The following PTK2B variants were observed in gnomAD, a reference collection of about 807,000 sequenced individuals.
PTK2B encodes protein-tyrosine kinase 2-beta.
A neutral mutation model predicts 142.9 loss-of-function variants in PTK2B; 71 were observed. That is an observed-to-expected ratio of 0.50 (90% CI 0.41 to 0.61). The LOEUF (loss-of-function observed/expected upper bound fraction) is 0.61. Among genes scored for constraint, PTK2B ranks in the 20% least tolerant of loss-of-function variants. PTK2B has a pLI of 0.00. For synonymous variants in PTK2B, 519 were observed against 503.4 expected (o/e 1.03, Z -0.42); for missense variants, 1,105 against 1,320.4 (o/e 0.84, Z 2.53).
Position 27,399,989 on chromosome 8 carries a change from G to A in PTK2B, c.204+2201G>A, listed in dbSNP as rs546585072. ...CCCATAACTGGAGGCTATTGACTGT[G>A]TGGGTATTAGGTTATTACCCAGCTC... is the stretch of plus-strand genomic sequence containing the variant. On this transcript the variant is annotated intron_variant, in intron 2 of 30. Coordinates refer to ENST00000346049, the MANE Select transcript of PTK2B (RefSeq NM_173176.3). Among the ~76,000 whole-genome samples the A allele has an allele frequency of 1.9e-3, 293 of 152,312 alleles. 1 individual carries two copies. The highest frequency in any genetic ancestry group is 3.4e-3 in the Middle Eastern group (1 of 294).
intron 1 of PTK2B, among the ~76,000 whole-genome samples, chr8:27,383,870 CAG>C (rs1807183123): frequency 1.6e-5 from 1 of 61,890 alleles, no homozygotes; most frequent in Admixed American, 1.6e-4. Flanking sequence ...TTTTTTGAGA[CAG>C]AGTTTCACTC....
intron 5 of PTK2B, 42 bp downstream of exon 5, chr8:27,422,425 A>T (rs1224559779): frequency 1.8e-5 from 27 of 1,524,542 alleles, no homozygotes; most frequent in Non-Finnish European, 2.4e-5. Context: ...CGCTGTGCTG[A>T]GCTCTGGGCA....
intron 1 of PTK2B, among the ~76,000 whole-genome samples, chr8:27,377,800 C>T (rs956527434): frequency 2.6e-5 from 4 of 152,284 alleles, no homozygotes; most frequent in Middle Eastern, 3.4e-3. Flanking sequence ...GGAGCCTCCC[C>T]CAAGAGCACA....
At chr8:27,331,943 C>T (rs1010914539) in intron 1 of PTK2B, among the ~76,000 whole-genome samples, 1 of 152,242 alleles carries the variant, frequency 6.6e-6, no homozygotes, top group Non-Finnish European at 1.5e-5. Flanking sequence ...TCCCCGCCCC[C>T]AGGTCCCACC....
chr8:27,420,814 C>A, intron 4 of PTK2B, 70 bp downstream of exon 4: 1 of 1,383,932 alleles, frequency 7.2e-7, no homozygotes, highest in Admixed American at 1.8e-5. Context: ...GAACCGTTCT[C>A]TCCTAGGGAG....
rs771682327 is a variant in PTK2B at position 27,440,247 on chromosome 8, G to GT, written c.1846dup (p.Trp616LeufsTer33). The GT allele has an allele frequency of 6.2e-7, 1 of 1,614,220 alleles. No individual in the cohort carries two copies. Among genetic ancestry groups the GT allele is most frequent in the Non-Finnish European group, 8.5e-7 (1 of 1,180,026 alleles). On this transcript the variant is annotated frameshift_variant, in exon 21 of 31. Transcript: ENST00000346049. LOFTEE classifies it high-confidence loss of function. ...TCCCTTACACCCCAGCCGTGTGCAT[G>GT]TGGGAGATCCTGAGCTTTGGGAAGC...
At chr8:27,398,734 T>G (rs1046112089) in intron 2 of PTK2B, among the ~76,000 whole-genome samples, 2 of 152,208 alleles carry the variant, frequency 1.3e-5, no homozygotes, top group African/African-American at 4.8e-5. Context: ...CATCTCCAGC[T>G]CATAGCCAAC....
At chr8:27,321,905 AACATAG>A (rs150836717), upstream of PTK2B, among the ~76,000 whole-genome samples, 680 of 152,286 alleles carry the variant, frequency 4.5e-3, 4 homozygotes, top group East Asian at 0.036. Context: ...CCACTTCGTA[AACATAG>A]TGATGTCTGG....
upstream of PTK2B, chr8:27,311,035 G>C (rs758144604): frequency 1.9e-6 from 3 of 1,603,584 alleles, no homozygotes; most frequent in South Asian, 1.1e-5. Context: ...TGCGCAGGTC[G>C]GCGGGTGACG....
At chr8:27,454,383 A>T (rs1812015171) in intron 29 of PTK2B, 92 bp downstream of exon 29, 5 of 1,561,198 alleles carry the variant, frequency 3.2e-6, no homozygotes, top group Non-Finnish European at 3.5e-6. Flanking sequence ...GGCCCAGCAG[A>T]TCCTCTTAGA....
chr8:27,394,478 G>T, intron 1 of PTK2B, among the ~76,000 whole-genome samples: 1 of 152,172 alleles, frequency 6.6e-6, no homozygotes, highest in East Asian at 1.9e-4. Context: ...ATGGTGCACC[G>T]GTCTAGGGCA....
chr8:27,350,759 C>T (rs1805000761), intron 1 of PTK2B, among the ~76,000 whole-genome samples: 1 of 151,058 alleles, frequency 6.6e-6, no homozygotes, highest in Non-Finnish European at 1.5e-5. Context: ...CAGGTCATCA[C>T]CTGAGGTTAG....
chr8:27,459,172 C>T lies in PTK2B; in HGVS notation c.*663C>T. On this transcript the variant is annotated 3_prime_UTR_variant, in exon 31 of 31. Transcript: ENST00000346049. ...AGGGGGAAGAAGCAGAGAGATGCGG[C>T]CAAGATAGGACCTTGGGCCAAATCC... 1 of 237,254 alleles carries T rather than the reference C, an allele frequency of 4.2e-6. No individual in the cohort carries two copies. The highest frequency in any genetic ancestry group is 5.3e-5 in the Admixed American group (1 of 18,876). The allele number at this position is 237,254 out of a possible 1,614,324, so 14.7% of individuals were successfully genotyped here.
chr8:27,406,737 A>C (rs557227552), intron 2 of PTK2B, among the ~76,000 whole-genome samples: 1 of 152,304 alleles, frequency 6.6e-6, no homozygotes, highest in African/African-American at 2.4e-5. Context: ...TCCTGCCCCA[A>C]GTGCCAGTGG....
At position 27,433,554 on chromosome 8, in the gene PTK2B, T is replaced by G; in HGVS notation, c.1105+2T>G. On this transcript the variant is annotated splice_donor_variant, in intron 11 of 30. Coordinates refer to ENST00000346049, the MANE Select transcript of PTK2B (RefSeq NM_173176.3). LOFTEE classifies it high-confidence loss of function. ...CTCTCATCATCCATCCTAGGAAAGGTGGGTTCCATTTAAAGGTAAAGTGGC... is the reference window on the plus strand; with the variant it reads ...CTCTCATCATCCATCCTAGGAAAGGGGGGTTCCATTTAAAGGTAAAGTGGC... 6.2e-7 allele frequency: 1 copy of G among 1,612,004 alleles called. No homozygotes were observed. The highest frequency in any genetic ancestry group is 8.5e-7 in the Non-Finnish European group (1 of 1,178,246).
intron 9 of PTK2B, 175 bp from the exon 10 acceptor site, chr8:27,432,085 A>G: frequency 1.8e-6 from 1 of 549,638 alleles, no homozygotes; most frequent in Non-Finnish European, 3.2e-6. Flanking sequence ...GGAAGCCAAA[A>G]GATTGGACAC....
chr8:27,337,068 TA>T (rs1804116105), intron 1 of PTK2B, among the ~76,000 whole-genome samples: 1 of 151,340 alleles, frequency 6.6e-6, no homozygotes, highest in African/African-American at 2.4e-5. Context: ...TCACATACCG[TA>T]AAATTCACCT....
At chr8:27,432,143 T>C (rs1286725922) in intron 9 of PTK2B, 117 bp from the exon 10 acceptor site, 10 of 847,334 alleles carry the variant, frequency 1.2e-5, no homozygotes, top group Non-Finnish European at 1.7e-5. Flanking sequence ...TGATTCTCTC[T>C]TCATCTCCCA....
intron 13 of PTK2B, among the ~76,000 whole-genome samples, chr8:27,435,537 G>A (rs1441792169): frequency 1.3e-5 from 2 of 152,228 alleles, no homozygotes; most frequent in Non-Finnish European, 2.9e-5. Flanking sequence ...AATGCAAATC[G>A]GGAAGCAGAG....
Sources: allele counts gnomAD v4.1 joint callset (sites outside exome capture counted in the v4.1 genomes callset), GRCh38; gene constraint gnomAD v4.1.1; transcripts MANE v1.5; gene names NCBI Gene and HGNC (gene_info 2026-07-23, HGNC 2026-07-21).